LRP1B: variants seen among roughly 807,000 people sequenced by gnomAD.
The protein encoded by LRP1B is LDL receptor related protein 1B, also known as low-density lipoprotein receptor-related protein 1B.
Under a neutral mutation model 556.6 loss-of-function variants are expected in LRP1B, and 217 were observed. The observed-to-expected ratio is 0.39, with a 90% CI of 0.35 to 0.44. The LOEUF (loss-of-function observed/expected upper bound fraction) is 0.44. LRP1B is among the 20% of genes least tolerant of loss of function. The pLI is 1.00. For missense variants in LRP1B, 5,053 were observed against 5,620.8 expected (o/e 0.90, Z 3.23); for synonymous variants, 2,047 against 1,865.8 (o/e 1.10, Z -2.50).
Position 140,701,701 on chromosome 2 carries a change from A to G in LRP1B, c.6427+20T>C. 1 of 1,600,274 alleles carries G rather than the reference A, an allele frequency of 6.2e-7. No homozygotes were observed. The highest frequency in any genetic ancestry group is 8.5e-7 in the Non-Finnish European group (1 of 1,174,674). ...ATCACATAAAATATACATATTATGT[A>G]TTCTTTCAAGAGTGCTGACCTTTCT... On this transcript the variant is annotated intron_variant, in intron 40 of 90. Transcript: ENST00000389484.
chr2:141,382,453 A>C lies in LRP1B; in HGVS notation c.343+97943T>G, dbSNP rs373187874. On this transcript the variant is annotated intron_variant, in intron 3 of 90. Transcript: ENST00000389484. ...GATATGTGCTTATTTGAGCCAACAG[A>C]CAGTCTCACTAGCCTTTGTTTGACA... is the stretch of plus-strand genomic sequence containing the variant. Among the ~76,000 whole-genome samples, 295 of 152,350 alleles carry C rather than the reference A, an allele frequency of 1.9e-3. 2 individuals carry two copies. The South Asian group carries it at 0.028, about 15-fold the overall frequency.
In LRP1B at chr2:140,910,911, A is replaced by G. The variant is rs190542939; in HGVS notation, c.3320-2834T>C. Among the ~76,000 whole-genome samples the G allele has an allele frequency of 4.5e-4, 69 of 151,994 alleles. 1 individual carries two copies. Among genetic ancestry groups the G allele is most frequent in the Non-Finnish European group, 4.1e-4 (28 of 67,766 alleles). ...CATGTGTCAACTCTTCACCACAGTA[A>G]TTCTAATTTTAGAAAATGTTTTCAT... On this transcript the variant is annotated intron_variant, in intron 21 of 90. Transcript: ENST00000389484.
chr2:140,697,527 GA>G (rs1246703458), intron 41 of LRP1B, among the ~76,000 whole-genome samples: 1 of 151,778 alleles, frequency 6.6e-6, no homozygotes, highest in African/African-American at 2.4e-5. Context: ...GCCAATTGTA[GA>G]AACAACCCAA....
chr2:141,578,412 GA>G (rs1413954616), intron 2 of LRP1B, among the ~76,000 whole-genome samples: 3 of 139,762 alleles, frequency 2.1e-5, no homozygotes, highest in Admixed American at 1.4e-4. Context: ...AAAAAAAAAA[GA>G]AAAAAAGAAA....
chr2:141,044,341 A>G (rs1186022897), intron 11 of LRP1B, among the ~76,000 whole-genome samples: 1 of 151,858 alleles, frequency 6.6e-6, no homozygotes, highest in African/African-American at 2.4e-5. Context: ...AGGCATTACC[A>G]TTCAGGACAT....
intron 1 of LRP1B, among the ~76,000 whole-genome samples, chr2:141,938,639 C>A (rs759986687): frequency 7.9e-5 from 12 of 152,062 alleles, no homozygotes; most frequent in Non-Finnish European, 1.3e-4. Context: ...ATCTGCACTC[C>A]CATGTCCATT....
chr2:140,328,134 AAATC>A (rs1164747943), intron 79 of LRP1B, among the ~76,000 whole-genome samples: 1 of 152,058 alleles, frequency 6.6e-6, no homozygotes, highest in Non-Finnish European at 1.5e-5. Context: ...AAGTGGAAAA[AAATC>A]AATTCTCAAG....
intron 86 of LRP1B, among the ~76,000 whole-genome samples, chr2:140,252,076 A>AAAAAAAAAAAAAAAAAAAAAAAAAAAC (rs1681453795): frequency 7.5e-6 from 1 of 133,782 alleles, no homozygotes; most frequent in African/African-American, 3.0e-5. Context: ...AAAAAAAAAA[A>AAAAAAAAAAAAAAAAAAAAAAAAAAAC]AAAAAAAAAA....
intron 55 of LRP1B, among the ~76,000 whole-genome samples, chr2:140,499,067 A>G (rs1210634918): frequency 6.6e-6 from 1 of 151,860 alleles, no homozygotes; most frequent in Non-Finnish European, 1.5e-5. Context: ...ACTTCTTTCT[A>G]CGGCTTCTTG....
chr2:142,040,641 T>C (rs1235586588), intron 1 of LRP1B, among the ~76,000 whole-genome samples: 1 of 146,182 alleles, frequency 6.8e-6, no homozygotes, highest in Non-Finnish European at 1.5e-5. Flanking sequence ...TTTTTTTTAA[T>C]AGCTAGTTCA....
intron 67 of LRP1B, among the ~76,000 whole-genome samples, chr2:140,384,862 T>G (rs568040180): frequency 1.3e-5 from 2 of 152,338 alleles, no homozygotes; most frequent in East Asian, 3.9e-4. Context: ...GTACCAGATA[T>G]AAATATTTAA....
At chr2:141,111,086 G>A (rs1003864767) in intron 7 of LRP1B, among the ~76,000 whole-genome samples, 6 of 152,144 alleles carry the variant, frequency 3.9e-5, no homozygotes, top group South Asian at 2.1e-4. Flanking sequence ...CCTTGTGATC[G>A]TGGGATAAGA....
chr2:140,373,676 G>T (rs1456635654), intron 68 of LRP1B, among the ~76,000 whole-genome samples: 2 of 152,104 alleles, frequency 1.3e-5, no homozygotes, highest in Non-Finnish European at 2.9e-5. Context: ...AGAGGCTGAG[G>T]CAGGAGGACT....
At chr2:140,440,239 T>C (rs574993887) in intron 66 of LRP1B, among the ~76,000 whole-genome samples, 1 of 152,140 alleles carries the variant, frequency 6.6e-6, no homozygotes, top group East Asian at 1.9e-4. Context: ...GGACACAAAC[T>C]GAAATAAAAA....
chr2:141,470,351 A>G (rs1682415187), intron 3 of LRP1B, among the ~76,000 whole-genome samples: 1 of 152,210 alleles, frequency 6.6e-6, no homozygotes, highest in Non-Finnish European at 1.5e-5. Flanking sequence ...TAGACATTGA[A>G]TACTTCAAGC....
intron 2 of LRP1B, among the ~76,000 whole-genome samples, chr2:141,577,941 A>G (rs1481773738): frequency 6.6e-6 from 1 of 152,226 alleles, no homozygotes; most frequent in Non-Finnish European, 1.5e-5. Flanking sequence ...AATGATTTCC[A>G]GAATTTCAAA....
intron 27 of LRP1B, among the ~76,000 whole-genome samples, chr2:140,858,554 T>C (rs1453882860): frequency 1.3e-5 from 2 of 148,402 alleles, no homozygotes; most frequent in African/African-American, 4.9e-5. Flanking sequence ...AGAAATTTAA[T>C]TTATATGACA....
At chr2:140,473,675 T>G (rs1687856503) in intron 60 of LRP1B, among the ~76,000 whole-genome samples, 1 of 151,906 alleles carries the variant, frequency 6.6e-6, no homozygotes. Flanking sequence ...TGCAGTGTTT[T>G]TAAATAGTCA....
At chr2:141,915,514 T>C (rs1700008115) in intron 1 of LRP1B, among the ~76,000 whole-genome samples, 1 of 152,148 alleles carries the variant, frequency 6.6e-6, no homozygotes, top group Non-Finnish European at 1.5e-5. Context: ...CATTCTGGAC[T>C]TTGGCCTTGG....
Sources: allele counts gnomAD v4.1 joint callset (sites outside exome capture counted in the v4.1 genomes callset), GRCh38; gene constraint gnomAD v4.1.1; transcripts MANE v1.5; gene names NCBI Gene and HGNC (gene_info 2026-07-23, HGNC 2026-07-21).